Variants in ANKIB1 observed in about 807,000 individuals in gnomAD.
ANKIB1 encodes ankyrin repeat and IBR domain containing 1.
A neutral mutation model predicts 122.1 loss-of-function variants in ANKIB1; 43 were observed. The observed-to-expected ratio is 0.35, with a 90% CI of 0.28 to 0.45. The LOEUF (loss-of-function observed/expected upper bound fraction) is 0.45. ANKIB1 is among the 20% of genes least tolerant of loss of function. The pLI, the probability that ANKIB1 is intolerant of heterozygous loss-of-function variation, is 1.00. For synonymous variants in ANKIB1, 390 were observed against 442.0 expected (o/e 0.88, Z 1.48); for missense variants, 992 against 1,329.5 (o/e 0.75, Z 3.95).
rs886394741 is a variant in ANKIB1, at chr7:92,391,283, T to G, written c.2170T>G (p.Phe724Val). The change falls in exon 16 of 20, where the codon TTC (phenylalanine) becomes GTC (valine). Residue 724 changes from phenylalanine to valine, a missense_variant. Around this residue, in one of 4 missense-constraint regions of ANKIB1, gnomAD observed 521 missense variants for 777.7 expected, o/e 0.67. Coordinates refer to ENST00000265742, the MANE Select transcript of ANKIB1 (RefSeq NM_019004.2). ...CCTTGTACAGCAGAAGAGGCAAGAA[T>G]TCCTGGCATCTGTGGCTCGGGGAGT... ...ACLVQQKRQE[F>V]LASVARGVAP... 3 of 1,613,454 alleles carry G rather than the reference T, an allele frequency of 1.9e-6. No homozygotes were observed. The highest frequency in any genetic ancestry group is 1.7e-6 in the Non-Finnish European group (2 of 1,179,654).
At chr7:92,288,856 A>T (rs894986665) in intron 1 of ANKIB1, among the ~76,000 whole-genome samples, 1 of 152,184 alleles carries the variant, frequency 6.6e-6, no homozygotes. Flanking sequence ...AAAGAAAAAA[A>T]AAAATCCTAC....
At position 92,246,019 on chromosome 7, in the gene ANKIB1, C is replaced by A. The variant is rs573198994; in HGVS notation, c.-591C>A. 4 of 257,010 alleles carry A rather than the reference C, an allele frequency of 1.6e-5. No homozygotes were observed. The highest frequency in any genetic ancestry group is 6.3e-5 in the Admixed American group (1 of 15,856). 15.9% of individuals were successfully genotyped at this position (257,010 alleles called of 1,614,324 possible). ...GCCGTTCCTGCTCCTTTTCACTGGA[C>A]CTGCAGTCTCTCAGGGGCTGGTGGC... On this transcript the variant is annotated 5_prime_UTR_variant, in exon 1 of 20. Coordinates refer to ENST00000265742, the MANE Select transcript of ANKIB1 (RefSeq NM_019004.2).
intron 9 of ANKIB1, among the ~76,000 whole-genome samples, chr7:92,356,583 T>C (rs1803818536): frequency 6.6e-6 from 1 of 152,180 alleles, no homozygotes; most frequent in African/African-American, 2.4e-5. Flanking sequence ...AGAGTTATAA[T>C]AATCTGGGAG....
chr7:92,258,801 C>G (rs1801502338), intron 1 of ANKIB1, among the ~76,000 whole-genome samples: 1 of 152,088 alleles, frequency 6.6e-6, no homozygotes, highest in Non-Finnish European at 1.5e-5. Context: ...TGTAGGTTCT[C>G]TCATCCATCT....
At chr7:92,274,515 T>C (rs1801859602) in intron 1 of ANKIB1, among the ~76,000 whole-genome samples, 1 of 152,232 alleles carries the variant, frequency 6.6e-6, no homozygotes, top group Non-Finnish European at 1.5e-5. Context: ...GTTTGCCATG[T>C]ACATTTATCA....
chr7:92,279,054 G>T (rs972409536), intron 1 of ANKIB1, among the ~76,000 whole-genome samples: 16 of 151,748 alleles, frequency 1.1e-4, no homozygotes, highest in African/African-American at 3.9e-4. Context: ...GGATGAAACT[G>T]TTCCACCTCA....
At chr7:92,378,424 G>C (rs1419752321) in intron 11 of ANKIB1, among the ~76,000 whole-genome samples, 1 of 150,120 alleles carries the variant, frequency 6.7e-6, no homozygotes, top group Non-Finnish European at 1.5e-5. Context: ...TCGTGTTATT[G>C]GTATATCCAA....
At chr7:92,283,016 C>G (rs1802041289) in intron 1 of ANKIB1, among the ~76,000 whole-genome samples, 1 of 152,112 alleles carries the variant, frequency 6.6e-6, no homozygotes, top group Non-Finnish European at 1.5e-5. Context: ...GCTTTTGCAG[C>G]TATTTTCATT....
intron 15 of ANKIB1, among the ~76,000 whole-genome samples, chr7:92,390,707 C>T (rs976062699): frequency 3.9e-5 from 6 of 152,164 alleles, no homozygotes; most frequent in East Asian, 3.8e-4. Flanking sequence ...TCATTTTCTC[C>T]GTAAAGCCTT....
intron 5 of ANKIB1, among the ~76,000 whole-genome samples, chr7:92,335,902 A>G (rs1222152804): frequency 6.6e-6 from 1 of 151,376 alleles, no homozygotes; most frequent in Non-Finnish European, 1.5e-5. Context: ...TTTGGTTTTA[A>G]TTATCTGTTG....
At chr7:92,288,035 CAAAAAA>C (rs35766675) in intron 1 of ANKIB1, among the ~76,000 whole-genome samples, 3 of 90,178 alleles carry the variant, frequency 3.3e-5, no homozygotes, top group Non-Finnish European at 6.4e-5. Context: ...GACTCCGTCT[CAAAAAA>C]AAAAAAAAAA....
intron 9 of ANKIB1, among the ~76,000 whole-genome samples, chr7:92,352,964 G>T (rs1303044660): frequency 6.6e-6 from 1 of 152,090 alleles, no homozygotes; most frequent in Middle Eastern, 3.2e-3. Context: ...GGCAGAAATG[G>T]GATTAGAACC....
rs143213425 is a variant in ANKIB1 at position 92,306,224 on chromosome 7, CTA to C, written c.189-1132_189-1131del. 3.9e-5 allele frequency among the ~76,000 whole-genome samples: 6 copies of C among 152,250 alleles called. No homozygotes were observed. In the East Asian group the frequency reaches 7.7e-4, roughly 20 times the overall value. ...TCTTACAGTTCTGGAGTTCAGAAGA[CTA>C]TAATGGCTCCACTGAACTACTCTAG... On this transcript the variant is annotated intron_variant, in intron 2 of 19. Coordinates refer to ENST00000265742, the MANE Select transcript of ANKIB1 (RefSeq NM_019004.2).
intron 1 of ANKIB1, among the ~76,000 whole-genome samples, chr7:92,280,024 A>G: frequency 6.6e-6 from 1 of 152,168 alleles, no homozygotes; most frequent in East Asian, 1.9e-4. Context: ...CTTCTCTTTA[A>G]CTGCAGACAT....
At chr7:92,395,538 CT>C (rs35028119) in intron 17 of ANKIB1, among the ~76,000 whole-genome samples, 5,313 of 108,208 alleles carry the variant, frequency 0.049, 69 homozygotes, top group East Asian at 0.22. Context: ...ATCCCAGTCA[CT>C]TTTTTTTTTT....
At chr7:92,324,114 G>A (rs1469037333) in intron 4 of ANKIB1, among the ~76,000 whole-genome samples, 2 of 152,194 alleles carry the variant, frequency 1.3e-5, no homozygotes, top group Non-Finnish European at 2.9e-5. Context: ...CTTTTGGAGT[G>A]ATGGAAATGT....
chr7:92,348,673 C>T lies in ANKIB1; in HGVS notation c.1086-2277C>T, dbSNP rs1332752024. ...CGCTAGGATTATAGGCGTGAGCCAC[C>T]GTGCCAGGCCACAATATACCTTATA... is the stretch of plus-strand genomic sequence containing the variant. On this transcript the variant is annotated intron_variant, in intron 7 of 19. Transcript: ENST00000265742. 2.6e-5 allele frequency among the ~76,000 whole-genome samples: 4 copies of T among 152,194 alleles called. No homozygotes were observed. The South Asian group carries it at 6.2e-4, about 24-fold the overall frequency.
At chr7:92,376,453 T>A (rs1585132910) in intron 11 of ANKIB1, among the ~76,000 whole-genome samples, 3 of 114,594 alleles carry the variant, frequency 2.6e-5, no homozygotes, top group Admixed American at 8.6e-5. Flanking sequence ...TTATTTTTTA[T>A]TTTTTTTTTT....
In ANKIB1 at chr7:92,295,262, A is replaced by G. The variant is rs1166302483; in HGVS notation, c.188+96A>G. 1.8e-5 allele frequency: 15 copies of G among 842,936 alleles called. No homozygotes were observed. In the South Asian group the frequency reaches 3.6e-4, roughly 20 times the overall value. 52.2% of individuals were successfully genotyped at this position (842,936 alleles called of 1,614,324 possible). A position where few individuals can be genotyped will look rare whatever the true frequency, so the allele number is the denominator to read the frequency against. ...AAAAGGAACTATGATTTTTGAAAAT[A>G]CGGACATATACAGACATGATATATA... On this transcript the variant is annotated intron_variant, in intron 2 of 19. Transcript: ENST00000265742.
Sources: allele counts gnomAD v4.1 joint callset (sites outside exome capture counted in the v4.1 genomes callset), GRCh38; gene constraint gnomAD v4.1.1; regional missense constraint gnomAD v4.1.1; transcripts MANE v1.5; gene names NCBI Gene and HGNC (gene_info 2026-07-23, HGNC 2026-07-21).